Variants in VCL observed in about 807,000 individuals in gnomAD.
VCL encodes the protein vinculin.
A neutral mutation model predicts 125.7 loss-of-function variants in VCL; 47 were observed. The ratio of observed to expected loss-of-function variants is 0.37; its 90% CI spans 0.30 to 0.48. The LOEUF is 0.48. Among genes scored for constraint, VCL ranks in the 20% least tolerant of loss-of-function variants. The probability of loss-of-function intolerance (pLI) is 0.99; values close to 1 mark genes in which losing one functional copy is unlikely to be tolerated. For synonymous variants in VCL, 458 were observed against 514.6 expected, an observed-to-expected ratio of 0.89 and a Z score of 1.49; for missense variants, 1,069 against 1,455.5, an observed-to-expected ratio of 0.73 and a Z score of 4.32.
chr10:74,114,688 C>T (rs1591720593), intron 20 of VCL, 107 bp from the exon 21 acceptor site: 2 of 1,257,318 alleles, frequency 1.6e-6, no homozygotes, highest in Non-Finnish European at 2.3e-6. Context: ...TATCGAGTGC[C>T]TTTTCTGTGC....
chr10:74,049,110 A>AAACAAAC (rs1564517592), intron 2 of VCL, among the ~76,000 whole-genome samples: 1 of 146,516 alleles, frequency 6.8e-6, no homozygotes, highest in African/African-American at 2.4e-5. Context: ...CCATCTCAAA[A>AAACAAAC]AAACAAACAA....
chr10:74,070,427 G>C (rs1841645935), intron 2 of VCL, among the ~76,000 whole-genome samples: 1 of 152,136 alleles, frequency 6.6e-6, no homozygotes. Flanking sequence ...GCTTTTACCT[G>C]TAATTTTGTA....
intron 1 of VCL, among the ~76,000 whole-genome samples, chr10:74,002,213 T>C (rs1256744518): frequency 1.3e-5 from 2 of 152,142 alleles, no homozygotes; most frequent in Non-Finnish European, 2.9e-5. Flanking sequence ...GCAACCTCTG[T>C]CTCCCAGGTT....
chr10:74,005,566 A>T (rs568312951), intron 1 of VCL, among the ~76,000 whole-genome samples: 1 of 152,016 alleles, frequency 6.6e-6, no homozygotes, highest in African/African-American at 2.4e-5. Context: ...AGAGACAGAG[A>T]TATATTTTGT....
At chr10:74,001,365 A>G (rs530970816) in intron 1 of VCL, among the ~76,000 whole-genome samples, 1 of 152,246 alleles carries the variant, frequency 6.6e-6, no homozygotes, top group African/African-American at 2.4e-5. Context: ...GGGTCTTGTT[A>G]TGTTGCCCAG....
chr10:74,073,039 C>T (rs531373063), intron 5 of VCL, among the ~76,000 whole-genome samples, 187 bp downstream of exon 5: 1 of 151,382 alleles, frequency 6.6e-6, no homozygotes, highest in East Asian at 1.9e-4. Context: ...CTCCTGGGTT[C>T]AAGCGATTCT....
intron 21 of VCL, among the ~76,000 whole-genome samples, chr10:74,116,686 C>CAA (rs34188235): frequency 3.4e-4 from 46 of 136,340 alleles, no homozygotes; most frequent in South Asian, 1.6e-3. Context: ...AACTCCGTCT[C>CAA]AAAAAAAAAA....
intron 10 of VCL, among the ~76,000 whole-genome samples, chr10:74,091,089 C>T (rs1322916085): frequency 6.6e-6 from 1 of 152,204 alleles, no homozygotes; most frequent in African/African-American, 2.4e-5. Context: ...GCATGAGCCA[C>T]TGCACCTAAC....
At chr10:74,030,561 A>G (rs1840856853) in intron 1 of VCL, among the ~76,000 whole-genome samples, 1 of 152,200 alleles carries the variant, frequency 6.6e-6, no homozygotes, top group Non-Finnish European at 1.5e-5. Flanking sequence ...GTTGCTTAGT[A>G]TAGAAATGAT....
rs1329646351 is a variant in VCL at position 74,120,126 on chromosome 10, C to CTGTT, written c.*1959_*1962dup. On this transcript the variant is annotated 3_prime_UTR_variant, in exon 22 of 22. Transcript: ENST00000211998. ...AATATTTTCTGCCTCTTCTTTTGTTCTGTTTAAAACAATAAAATGCATTTG... is the reference window on the plus strand; with the variant it reads ...AATATTTTCTGCCTCTTCTTTTGTTCTGTTTGTTTAAAACAATAAAATGCATTTG... The CTGTT allele has an allele frequency of 2.6e-5, 4 of 151,434 alleles. No homozygotes were observed. The highest frequency in any genetic ancestry group is 4.4e-5 in the Non-Finnish European group (3 of 67,890). The allele number at this position is 151,434 out of a possible 1,614,324, so 9.4% of individuals were successfully genotyped here.
At chr10:74,094,799 A>G (rs1329994259) in intron 11 of VCL, among the ~76,000 whole-genome samples, 1 of 152,098 alleles carries the variant, frequency 6.6e-6, no homozygotes, top group Non-Finnish European at 1.5e-5. Context: ...AGTGATGCTC[A>G]CCTGTAGTCA....
intron 13 of VCL, among the ~76,000 whole-genome samples, chr10:74,098,589 T>C (rs1282703628): frequency 1.3e-5 from 2 of 152,216 alleles, no homozygotes; most frequent in Non-Finnish European, 2.9e-5. Context: ...CTCTGTCTCA[T>C]GGCCACCCTA....
chr10:74,090,524 CCTAT>C (rs1564528457), intron 10 of VCL, among the ~76,000 whole-genome samples: 3 of 152,116 alleles, frequency 2.0e-5, no homozygotes, highest in Non-Finnish European at 2.9e-5. Context: ...ATGTTTATGA[CCTAT>C]CTGTTTCCCA....
chr10:74,022,832 G>C (rs1840698973), intron 1 of VCL, among the ~76,000 whole-genome samples: 1 of 151,766 alleles, frequency 6.6e-6, no homozygotes, highest in South Asian at 2.1e-4. Context: ...GTAGAGAAGG[G>C]GTTTCGCCAT....
chr10:74,027,066 A>C (rs552312309), intron 1 of VCL, among the ~76,000 whole-genome samples: 146 of 152,346 alleles, frequency 9.6e-4, no homozygotes, highest in African/African-American at 3.3e-3. Flanking sequence ...AGTTCTAGCT[A>C]TAAGCAGAAA....
chr10:74,090,962 G>A (rs1290043215), intron 10 of VCL, among the ~76,000 whole-genome samples: 5 of 151,790 alleles, frequency 3.3e-5, no homozygotes, highest in South Asian at 2.1e-4. Flanking sequence ...CACCATGCCT[G>A]GCTAATTTTT....
At chr10:74,017,046 CTTT>C (rs549275362) in intron 1 of VCL, among the ~76,000 whole-genome samples, 2,505 of 113,102 alleles carry the variant, frequency 0.022, 41 homozygotes, top group East Asian at 0.064. Flanking sequence ...AATTTCCTTC[CTTT>C]TTTTTTTTTT....
rs568533416 is a variant in VCL at position 74,052,496 on chromosome 10, C to T, written c.239+9343C>T. ...GGCTCAAGCGATTCTCATGCCTCAG[C>T]CCCGCAAGTAGCTGGGACTACAGGT... is the stretch of plus-strand genomic sequence containing the variant. On this transcript the variant is annotated intron_variant, in intron 2 of 21. Coordinates refer to ENST00000211998, the MANE Select transcript of VCL (RefSeq NM_014000.3). Among the ~76,000 whole-genome samples, 24 of 151,636 alleles carry T rather than the reference C, an allele frequency of 1.6e-4. No homozygotes were observed. The East Asian group carries it at 4.7e-3, about 29-fold the overall frequency.
chr10:74,058,631 T>A (rs1484481262), intron 2 of VCL, among the ~76,000 whole-genome samples: 1 of 152,136 alleles, frequency 6.6e-6, no homozygotes, highest in African/African-American at 2.4e-5. Flanking sequence ...ACGTGAATGT[T>A]TTCAAGTGCT....
Sources: allele counts gnomAD v4.1 joint callset (sites outside exome capture counted in the v4.1 genomes callset), GRCh38; gene constraint gnomAD v4.1.1; transcripts MANE v1.5; gene names NCBI Gene and HGNC (gene_info 2026-07-23, HGNC 2026-07-21).